Variants in HSBP1L1 observed in about 807,000 individuals in gnomAD.
The protein encoded by HSBP1L1 is heat shock factor binding protein 1 like 1, also known as heat shock factor-binding protein 1-like protein 1.
HSBP1L1 carries 8 observed loss-of-function variants against 9.7 expected under a neutral mutation model. That is an observed-to-expected ratio of 0.82 (90% CI 0.48 to 1.48). The LOEUF is 1.48. Among genes scored for constraint, HSBP1L1 ranks in the 40% most tolerant of loss-of-function variants. The pLI, the probability that HSBP1L1 is intolerant of heterozygous loss-of-function variation, is 0.00. For synonymous variants in HSBP1L1, 39 were observed against 34.4 expected (o/e 1.13, Z -0.46); for missense variants, 106 against 95.8 (o/e 1.11, Z -0.44).
At chr18:79,970,289 G>T in intron 3 of HSBP1L1, 151 bp from the exon 4 acceptor site, 1 of 635,156 alleles carries the variant, frequency 1.6e-6, no homozygotes. Flanking sequence ...TACATAATGA[G>T]ATAAACTTGA....
intron 3 of HSBP1L1, among the ~76,000 whole-genome samples, chr18:79,968,485 C>A (rs1309305172): frequency 6.6e-6 from 1 of 152,148 alleles, no homozygotes; most frequent in Non-Finnish European, 1.5e-5. Context: ...CACCACCACA[C>A]CCAGCTAATT....
chr18:79,969,387 G>GAA (rs1294208490), intron 3 of HSBP1L1, among the ~76,000 whole-genome samples: 5 of 69,150 alleles, frequency 7.2e-5, no homozygotes, highest in African/African-American at 2.0e-4. Flanking sequence ...AAGAAAGAAA[G>GAA]AAAGAAAAAA....
Position 79,970,599 on chromosome 18 carries a change from C to G in HSBP1L1, c.*148C>G. ...CCTGCTCTCCCCTCCGTGCCTGCAC[C>G]AGAGAAGGAGGCCATCGGCAAGCCA... On this transcript the variant is annotated 3_prime_UTR_variant, in exon 4 of 4. Coordinates refer to ENST00000451882, the MANE Select transcript of HSBP1L1 (RefSeq NM_001136180.2). The G allele has an allele frequency of 3.2e-6, 2 of 634,458 alleles. No individual in the cohort carries two copies. The highest frequency in any genetic ancestry group is 3.5e-5 in the South Asian group (2 of 57,122). The allele number at this position is 634,458 out of a possible 1,614,324, so 39.3% of individuals were successfully genotyped here. A position where few individuals can be genotyped will look rare whatever the true frequency, so the allele number is the denominator to read the frequency against.
At position 79,966,610 on chromosome 18, in the gene HSBP1L1, A is replaced by C; in HGVS notation, c.52-2A>C. 1 of 1,547,012 alleles carries C rather than the reference A, an allele frequency of 6.5e-7. No individual in the cohort carries two copies. Among genetic ancestry groups the C allele is most frequent in the South Asian group, 1.2e-5 (1 of 83,668 alleles). On this transcript the variant is annotated splice_acceptor_variant, in intron 1 of 3. Coordinates refer to ENST00000451882, the MANE Select transcript of HSBP1L1 (RefSeq NM_001136180.2). LOFTEE classifies it high-confidence loss of function. ...CAATTGTCTTACGGTTTATTTTTTC[A>C]GGCAGAAAATCTATTTCAGGAACTT...
In HSBP1L1 at chr18:79,964,752, C is replaced by G. The variant is rs1399987675; in HGVS notation, c.17C>G (p.Pro6Arg). 2 of 1,418,622 alleles carry G rather than the reference C, an allele frequency of 1.4e-6. No individual in the cohort carries two copies. The highest frequency in any genetic ancestry group is 1.5e-5 in the African/African-American group (1 of 66,660). 87.9% of individuals were successfully genotyped at this position (1,418,622 alleles called of 1,614,324 possible). Residue 6 changes from proline to arginine, a missense_variant, in exon 1 of 4, where the codon CCT becomes CGT. Transcript: ENST00000451882. ...GCGGTCCACATGGACGTGCGGGGCC[C>G]TGAAGCCCCCGGCGGGCGCGCGCTG... is the stretch of plus-strand genomic sequence containing the variant. MDVRG[P>R]EAPGGRALRD... is the part of the protein sequence containing the mutation.
chr18:79,969,138 G>A (rs1354787367), intron 3 of HSBP1L1, among the ~76,000 whole-genome samples: 2 of 149,732 alleles, frequency 1.3e-5, no homozygotes, highest in Admixed American at 6.7e-5. Context: ...GCAGTGAGCC[G>A]AGACTGTGCC....
At chr18:79,967,147 C>CAAAAAAAAAAAAGAAAAAAAAAAAAA (rs2051261840) in intron 2 of HSBP1L1, among the ~76,000 whole-genome samples, 3 of 105,196 alleles carry the variant, frequency 2.9e-5, no homozygotes, top group African/African-American at 1.1e-4. Context: ...GACTCCGTCT[C>CAAAAAAAAAAAAGAAAAAAAAAAAAA]AAAAAAAAAA....
intron 1 of HSBP1L1, 131 bp downstream of exon 1, chr18:79,964,917 C>T (rs2051249222): frequency 2.3e-6 from 1 of 428,626 alleles, no homozygotes; most frequent in South Asian, 4.8e-5. Context: ...CCCTGAGGTC[C>T]TGGGGGGCCT....
chr18:79,968,430 C>G (rs773665434), intron 3 of HSBP1L1, among the ~76,000 whole-genome samples: 2 of 152,120 alleles, frequency 1.3e-5, no homozygotes, highest in Non-Finnish European at 2.9e-5. Flanking sequence ...GGGTTTAAGC[C>G]ATTCTCCTGC....
At chr18:79,969,311 AG>A (rs140157563) in intron 3 of HSBP1L1, among the ~76,000 whole-genome samples, 7,781 of 79,204 alleles carry the variant, frequency 0.098, 2,035 homozygotes, top group Non-Finnish European at 0.14. Flanking sequence ...AGAGAGAGAA[AG>A]GAAAGAAAGA....
At chr18:79,969,341 A>AAGAAAGAGAGAGAG (rs1197862375) in intron 3 of HSBP1L1, among the ~76,000 whole-genome samples, 1 of 27,416 alleles carries the variant, frequency 3.6e-5, no homozygotes, top group African/African-American at 9.0e-5. Context: ...AAAAGAAAGA[A>AAGAAAGAGAGAGAG]AGAAAGAAAG....
At chr18:79,965,083 CGGGGGGCCTGAGGTCCTGGG>C (rs2051250319) in intron 1 of HSBP1L1, among the ~76,000 whole-genome samples, 1 of 68,784 alleles carries the variant, frequency 1.5e-5, no homozygotes, top group Admixed American at 2.1e-4. Context: ...CTGCGATCCT[CGGGGGGCCTGAGGTCCTGGG>C]GGGAGCCCTG....
At position 79,964,695 on chromosome 18, in the gene HSBP1L1, C is replaced by A; in HGVS notation, c.-41C>A. 1 of 1,281,964 alleles carries A rather than the reference C, an allele frequency of 7.8e-7. No individual in the cohort carries two copies. Among genetic ancestry groups the A allele is most frequent in the Non-Finnish European group, 1.0e-6 (1 of 966,728 alleles). 79.4% of individuals were successfully genotyped at this position (1,281,964 alleles called of 1,614,324 possible). A position where few individuals can be genotyped will look rare whatever the true frequency, so the allele number is the denominator to read the frequency against. ...GCCACCTCGCGCCGGGTCCGCGCGG[C>A]CCACGGGACCCCCCACTGACGCCCC... is the stretch of plus-strand genomic sequence containing the variant. On this transcript the variant is annotated 5_prime_UTR_variant, in exon 1 of 4. Coordinates refer to ENST00000451882, the MANE Select transcript of HSBP1L1 (RefSeq NM_001136180.2).
At position 79,969,321 on chromosome 18, in the gene HSBP1L1, GAAAGAAAGAA is replaced by G. The variant is rs1361731803; in HGVS notation, c.214-1107_214-1098del. 1.5e-3 allele frequency among the ~76,000 whole-genome samples: 155 copies of G among 105,570 alleles called. 5 individuals carry two copies. The highest frequency in any genetic ancestry group is 5.4e-3 in the African/African-American group (144 of 26,546). The allele number at this position is 105,570 out of a possible 152,430, so 69.3% of individuals were successfully genotyped here. A position where few individuals can be genotyped will look rare whatever the true frequency, so the allele number is the denominator to read the frequency against. On this transcript the variant is annotated intron_variant, in intron 3 of 3. Coordinates refer to ENST00000451882, the MANE Select transcript of HSBP1L1 (RefSeq NM_001136180.2). ...GAGAGAGAGAGAGAAAGGAAAGAAA[GAAAGAAAGAA>G]AAAGAAAGAAAGAAAGAAAGAAAGA...
chr18:79,966,083 C>T (rs542699069), intron 1 of HSBP1L1, among the ~76,000 whole-genome samples: 1 of 152,320 alleles, frequency 6.6e-6, no homozygotes, highest in East Asian at 1.9e-4. Context: ...AGGCGCCCGC[C>T]ACTGCACCCA....
At chr18:79,966,806 G>A in intron 2 of HSBP1L1, 128 bp downstream of exon 2, 1 of 707,980 alleles carries the variant, frequency 1.4e-6, no homozygotes, top group African/African-American at 1.8e-5. Context: ...TTACTTCTGT[G>A]CTTTTATGTG....
intron 3 of HSBP1L1, among the ~76,000 whole-genome samples, chr18:79,969,207 A>G (rs1165840045): frequency 2.7e-3 from 37 of 13,902 alleles, no homozygotes; most frequent in South Asian, 0.023. Flanking sequence ...AAGGAAAGAA[A>G]GAAAGAAAGA....
At chr18:79,969,548 G>A (rs2051283857) in intron 3 of HSBP1L1, among the ~76,000 whole-genome samples, 1 of 152,114 alleles carries the variant, frequency 6.6e-6, no homozygotes, top group African/African-American at 2.4e-5. Flanking sequence ...GTCTGTTCAG[G>A]TAGGCAGAGA....
intron 2 of HSBP1L1, chr18:79,966,919 T>C (rs534908463): frequency 3.5e-4 from 134 of 385,212 alleles, no homozygotes; most frequent in African/African-American, 1.7e-3. Flanking sequence ...GAGGCCGAGG[T>C]GGGCAGATCA....
Sources: allele counts gnomAD v4.1 joint callset (sites outside exome capture counted in the v4.1 genomes callset), GRCh38; gene constraint gnomAD v4.1.1; transcripts MANE v1.5; gene names NCBI Gene and HGNC (gene_info 2026-07-23, HGNC 2026-07-21).